The following CADPS2 variants were observed in gnomAD, a reference collection of about 807,000 sequenced individuals.
The protein encoded by CADPS2 is calcium dependent secretion activator 2.
Under a neutral mutation model 172.5 loss-of-function variants are expected in CADPS2, and 93 were observed. The ratio of observed to expected loss-of-function variants is 0.54; its 90% CI spans 0.46 to 0.64. CADPS2 has a LOEUF of 0.64. Among genes scored for constraint, CADPS2 ranks in the 30% least tolerant of loss-of-function variants. CADPS2 has a pLI of 0.00. For missense variants in CADPS2, 1,420 were observed against 1,565.9 expected, an observed-to-expected ratio of 0.91 and a Z score of 1.57; for synonymous variants, 546 against 555.2, an observed-to-expected ratio of 0.98 and a Z score of 0.23.
intron 2 of CADPS2, among the ~76,000 whole-genome samples, chr7:122,667,929 C>T (rs547139439): frequency 6.6e-6 from 1 of 151,244 alleles, no homozygotes; most frequent in Non-Finnish European, 1.5e-5. Context: ...GTGGGGGCCA[C>T]GTGGGGGGAG....
intron 2 of CADPS2, chr7:122,698,906 T>C (rs778412885): frequency 6.3e-7 from 1 of 1,583,696 alleles, no homozygotes; most frequent in South Asian, 1.2e-5. Context: ...GTGCCAACCT[T>C]GAGTAGATGC....
intron 6 of CADPS2, among the ~76,000 whole-genome samples, chr7:122,596,542 T>C (rs2071819129): frequency 6.6e-6 from 1 of 152,134 alleles, no homozygotes; most frequent in African/African-American, 2.4e-5. Context: ...GCGTGAAATG[T>C]AAACAAATAC....
intron 8 of CADPS2, among the ~76,000 whole-genome samples, chr7:122,536,647 G>C (rs1385956778): frequency 6.6e-6 from 1 of 152,066 alleles, no homozygotes; most frequent in Non-Finnish European, 1.5e-5. Flanking sequence ...TTTCTACACA[G>C]GTGGGTCTTA....
chr7:122,703,968 T>C (rs2086579779), intron 2 of CADPS2, among the ~76,000 whole-genome samples: 1 of 152,140 alleles, frequency 6.6e-6, no homozygotes, highest in Non-Finnish European at 1.5e-5. Flanking sequence ...AGTTTTATCT[T>C]AAATCTTTAT....
intron 8 of CADPS2, among the ~76,000 whole-genome samples, chr7:122,550,719 G>GTAT (rs776811668): frequency 1.1e-4 from 17 of 151,932 alleles, no homozygotes; most frequent in Non-Finnish European, 2.1e-4. Flanking sequence ...GCTATGCTAA[G>GTAT]GTATAGCCCA....
chr7:122,688,762 T>C (rs1472688020), intron 2 of CADPS2, among the ~76,000 whole-genome samples: 2 of 80,344 alleles, frequency 2.5e-5, no homozygotes, highest in Non-Finnish European at 6.4e-5. Context: ...TACATGGTTG[T>C]GGTAACGGGG....
At chr7:122,712,011 T>A (rs766192156) in intron 2 of CADPS2, among the ~76,000 whole-genome samples, 13 of 152,122 alleles carry the variant, frequency 8.5e-5, no homozygotes, top group Non-Finnish European at 1.9e-4. Context: ...ACAGCATACA[T>A]GTACATTTTT....
chr7:122,531,524 T>A (rs2061751383), intron 8 of CADPS2, among the ~76,000 whole-genome samples: 1 of 152,208 alleles, frequency 6.6e-6, no homozygotes, highest in South Asian at 2.1e-4. Flanking sequence ...AAAAAGAGAA[T>A]GAGTAGAGTC....
intron 1 of CADPS2, among the ~76,000 whole-genome samples, chr7:122,873,710 G>A (rs1263479319): frequency 6.6e-6 from 1 of 152,076 alleles, no homozygotes; most frequent in Non-Finnish European, 1.5e-5. Flanking sequence ...TGGGTCAAAT[G>A]GTATTTCTGG....
chr7:122,420,046 T>C (rs1310801694), intron 17 of CADPS2, among the ~76,000 whole-genome samples: 2 of 152,072 alleles, frequency 1.3e-5, no homozygotes, highest in African/African-American at 4.8e-5. Context: ...CTTGGAGAGG[T>C]TGAAGGTGTC....
chr7:122,583,449 T>G (rs1040455940), intron 6 of CADPS2, among the ~76,000 whole-genome samples: 3 of 151,834 alleles, frequency 2.0e-5, no homozygotes, highest in African/African-American at 7.2e-5. Flanking sequence ...CTCCCTTGAA[T>G]TTCTTCTTAA....
chr7:122,884,531 G>A (rs748112537), intron 1 of CADPS2, among the ~76,000 whole-genome samples: 19 of 152,172 alleles, frequency 1.2e-4, no homozygotes, highest in Non-Finnish European at 2.6e-4. Flanking sequence ...CTACCATTCT[G>A]TGACTGAATA....
intron 8 of CADPS2, among the ~76,000 whole-genome samples, chr7:122,537,350 A>G (rs1409505764): frequency 1.3e-5 from 2 of 151,800 alleles, no homozygotes; most frequent in Non-Finnish European, 2.9e-5. Context: ...ACTACATAAC[A>G]GAGGAAAAAT....
At chr7:122,542,134 T>C (rs1280404128) in intron 8 of CADPS2, among the ~76,000 whole-genome samples, 3 of 151,878 alleles carry the variant, frequency 2.0e-5, no homozygotes, top group African/African-American at 7.3e-5. Flanking sequence ...CATTTTGAAA[T>C]TGGTGATTGT....
At chr7:122,782,469 G>A (rs1400729705) in intron 1 of CADPS2, among the ~76,000 whole-genome samples, 5 of 152,100 alleles carry the variant, frequency 3.3e-5, no homozygotes, top group East Asian at 3.9e-4. Context: ...AAATTAGCAC[G>A]GTGTAGTGAT....
chr7:122,737,113 G>GA, intron 1 of CADPS2, 45 bp from the exon 2 acceptor site: 2 of 953,152 alleles, frequency 2.1e-6, no homozygotes, highest in Non-Finnish European at 3.4e-6. Context: ...GCCAGTACAT[G>GA]AAAAAATAAT....
chr7:122,749,991 A>G (rs1012992443), intron 1 of CADPS2, among the ~76,000 whole-genome samples: 1 of 152,036 alleles, frequency 6.6e-6, no homozygotes, highest in Non-Finnish European at 1.5e-5. Context: ...AAGAGAGAGT[A>G]TGTAACTTCC....
chr7:122,402,929 C>T (rs1431826127), intron 20 of CADPS2, among the ~76,000 whole-genome samples: 5 of 152,160 alleles, frequency 3.3e-5, no homozygotes, highest in Non-Finnish European at 7.3e-5. Flanking sequence ...CTAATTGGGT[C>T]AACATGGTAA....
intron 1 of CADPS2, among the ~76,000 whole-genome samples, chr7:122,884,389 C>A (rs1307136033): frequency 1.3e-5 from 2 of 152,150 alleles, no homozygotes; most frequent in Non-Finnish European, 2.9e-5. Flanking sequence ...AGGAGTGGAG[C>A]AGCAGGCTCA....
Sources: gnomAD v4.1 joint callset for allele counts (sites outside exome capture counted in the v4.1 genomes callset) on GRCh38, gnomAD v4.1.1 for gene constraint, MANE v1.5 for transcripts, NCBI Gene and HGNC (gene_info 2026-07-23, HGNC 2026-07-21) for gene names.